Variants in GRIA4 observed in about 807,000 individuals in gnomAD.
The protein encoded by GRIA4 is glutamate ionotropic receptor AMPA type subunit 4.
Under a neutral mutation model 104.0 loss-of-function variants are expected in GRIA4, and 34 were observed. That is an observed-to-expected ratio of 0.33 (90% CI 0.25 to 0.44). GRIA4 has a LOEUF of 0.44. Ranked by LOEUF, GRIA4 falls within the 20% of genes least tolerant of loss-of-function variation. GRIA4 has a pLI of 1.00. For synonymous variants in GRIA4, 386 were observed against 381.9 expected (o/e 1.01, Z -0.13); for missense variants, 750 against 1,096.5 (o/e 0.68, Z 4.46).
At chr11:105,717,097 C>A (rs1017213483) in intron 3 of GRIA4, among the ~76,000 whole-genome samples, 3 of 151,958 alleles carry the variant, frequency 2.0e-5, no homozygotes, top group South Asian at 2.1e-4. Context: ...GAATATTTTC[C>A]CCTTATGTTG....
At chr11:105,637,831 A>G (rs1224898882) in intron 3 of GRIA4, among the ~76,000 whole-genome samples, 1 of 152,182 alleles carries the variant, frequency 6.6e-6, no homozygotes, top group Non-Finnish European at 1.5e-5. Context: ...GAACATAAAG[A>G]TTCTTAAAAG....
At position 105,664,910 on chromosome 11, in the gene GRIA4, T is replaced by C. The variant is rs568741244; in HGVS notation, c.247+52476T>C. 3.3e-5 allele frequency among the ~76,000 whole-genome samples: 5 copies of C among 152,146 alleles called. 1 individual carries two copies. Among genetic ancestry groups the C allele is most frequent in the African/African-American group, 1.2e-4 (5 of 41,546 alleles). ...TAATGATGCCCCAAGGATCTAAACA[T>C]TTGATTCTTTTTCCAAAAGAATAAG... is the stretch of plus-strand genomic sequence containing the variant. On this transcript the variant is annotated intron_variant, in intron 3 of 16. Transcript: ENST00000282499.
intron 3 of GRIA4, among the ~76,000 whole-genome samples, chr11:105,660,711 A>T (rs1300395149): frequency 1.3e-5 from 2 of 151,460 alleles, no homozygotes; most frequent in African/African-American, 4.8e-5. Context: ...ACAGATAGGG[A>T]TGGGGGGAAT....
At chr11:105,718,081 C>A (rs903517640) in intron 3 of GRIA4, among the ~76,000 whole-genome samples, 2 of 152,054 alleles carry the variant, frequency 1.3e-5, no homozygotes, top group African/African-American at 4.8e-5. Flanking sequence ...GGTTGGCTAA[C>A]AGTGCTCTAA....
chr11:105,943,017 T>C (rs1948219516), intron 14 of GRIA4, among the ~76,000 whole-genome samples: 1 of 152,150 alleles, frequency 6.6e-6, no homozygotes, highest in Non-Finnish European at 1.5e-5. Flanking sequence ...TCTGAGATTC[T>C]GAGTCTTACC....
intron 14 of GRIA4, among the ~76,000 whole-genome samples, chr11:105,957,838 G>A (rs1477851255): frequency 7.2e-5 from 11 of 152,138 alleles, no homozygotes; most frequent in Non-Finnish European, 1.5e-4. Context: ...TCCCTTGTAA[G>A]TTGGATTCCT....
chr11:105,616,094 G>T (rs932531845), intron 3 of GRIA4, among the ~76,000 whole-genome samples: 1 of 151,578 alleles, frequency 6.6e-6, no homozygotes, highest in Non-Finnish European at 1.5e-5. Context: ...ATGTATTATC[G>T]TCTTGGTGAA....
chr11:105,741,828 G>A (rs1939328992), intron 3 of GRIA4, among the ~76,000 whole-genome samples: 1 of 152,114 alleles, frequency 6.6e-6, no homozygotes, highest in South Asian at 2.1e-4. Context: ...GTTATTTACA[G>A]AACCAAGAAT....
At chr11:105,883,792 C>G (rs1050333040) in intron 5 of GRIA4, among the ~76,000 whole-genome samples, 2 of 152,046 alleles carry the variant, frequency 1.3e-5, no homozygotes, top group Non-Finnish European at 2.9e-5. Flanking sequence ...GTATATACCC[C>G]GTAATGGGAT....
chr11:105,771,373 C>A (rs1464529025), intron 4 of GRIA4, among the ~76,000 whole-genome samples: 4 of 151,994 alleles, frequency 2.6e-5, no homozygotes, highest in African/African-American at 4.8e-5. Context: ...CATAAGTATT[C>A]TCTATATTCA....
chr11:105,623,146 T>G (rs1346089170), intron 3 of GRIA4, among the ~76,000 whole-genome samples: 1 of 150,502 alleles, frequency 6.6e-6, no homozygotes, highest in Non-Finnish European at 1.5e-5. Context: ...GATTCAATGA[T>G]GTTGCTGTTG....
chr11:105,769,602 T>C (rs1941118341), intron 4 of GRIA4, among the ~76,000 whole-genome samples: 1 of 151,940 alleles, frequency 6.6e-6, no homozygotes, highest in Non-Finnish European at 1.5e-5. Flanking sequence ...AATTCTGTGC[T>C]CTAGATGGGG....
At chr11:105,963,314 A>G (rs971133030) in intron 14 of GRIA4, among the ~76,000 whole-genome samples, 1 of 152,146 alleles carries the variant, frequency 6.6e-6, no homozygotes, top group African/African-American at 2.4e-5. Context: ...CCAAATGGTC[A>G]TTATATACGT....
At chr11:105,804,115 T>C (rs1942842684) in intron 4 of GRIA4, among the ~76,000 whole-genome samples, 1 of 151,936 alleles carries the variant, frequency 6.6e-6, no homozygotes, top group African/African-American at 2.4e-5. Flanking sequence ...AACATGCAGA[T>C]TGGTAATCTA....
chr11:105,656,353 C>G (rs1167521582), intron 3 of GRIA4, among the ~76,000 whole-genome samples: 3 of 152,052 alleles, frequency 2.0e-5, no homozygotes, highest in Non-Finnish European at 4.4e-5. Context: ...TCCCTTACAC[C>G]TTATACAAAA....
At chr11:105,883,278 T>G (rs76581144) in intron 5 of GRIA4, among the ~76,000 whole-genome samples, 1 of 113,836 alleles carries the variant, frequency 8.8e-6, no homozygotes, top group Non-Finnish European at 1.9e-5. Context: ...CACCGTTTCT[T>G]TTTTTTTTTT....
chr11:105,657,999 A>T (rs961899646), intron 3 of GRIA4, among the ~76,000 whole-genome samples: 3 of 151,790 alleles, frequency 2.0e-5, no homozygotes, highest in African/African-American at 7.2e-5. Context: ...ATCTGTGTGT[A>T]CAAGTATTTT....
At chr11:105,784,607 T>C (rs1046199871) in intron 4 of GRIA4, among the ~76,000 whole-genome samples, 17 of 152,090 alleles carry the variant, frequency 1.1e-4, no homozygotes, top group Admixed American at 1.0e-3. Context: ...TTTCAGTAAA[T>C]AATGAATGGG....
At chr11:105,854,145 G>C (rs1484772485) in intron 4 of GRIA4, among the ~76,000 whole-genome samples, 1 of 152,120 alleles carries the variant, frequency 6.6e-6, no homozygotes, top group Non-Finnish European at 1.5e-5. Flanking sequence ...TTTAGTATGG[G>C]AAAGAGACAA....
Sources: allele counts gnomAD v4.1 joint callset (sites outside exome capture counted in the v4.1 genomes callset), GRCh38; gene constraint gnomAD v4.1.1; transcripts MANE v1.5; gene names NCBI Gene and HGNC (gene_info 2026-07-23, HGNC 2026-07-21).